The following PLA2G4E variants were observed in gnomAD, a reference collection of about 807,000 sequenced individuals.
The protein encoded by PLA2G4E is cytosolic phospholipase A2 epsilon.
Under a neutral mutation model 109.1 loss-of-function variants are expected in PLA2G4E, and 84 were observed. The ratio of observed to expected loss-of-function variants is 0.77; its 90% CI spans 0.65 to 0.92. The LOEUF (loss-of-function observed/expected upper bound fraction) is 0.92. Among genes scored for constraint, PLA2G4E ranks in the 40% least tolerant of loss-of-function variants. PLA2G4E has a pLI of 0.00. For synonymous variants in PLA2G4E, 469 were observed against 436.1 expected, an observed-to-expected ratio of 1.08 and a Z score of -0.94; for missense variants, 1,057 against 1,076.6, an observed-to-expected ratio of 0.98 and a Z score of 0.25.
chr15:41,990,334 T>G, intron 13 of PLA2G4E, 99 bp from the exon 14 acceptor site: 1 of 1,079,294 alleles, frequency 9.3e-7, no homozygotes, highest in Non-Finnish European at 1.4e-6. Flanking sequence ...AGCCACTTCC[T>G]GGCTCCTGAG....
At chr15:42,002,438 G>A (rs1234828215) in intron 6 of PLA2G4E, among the ~76,000 whole-genome samples, 1 of 152,060 alleles carries the variant, frequency 6.6e-6, no homozygotes, top group African/African-American at 2.4e-5. Flanking sequence ...CCAGGGTGAT[G>A]TCCCAGCTAC....
chr15:42,044,342 T>G (rs1889374025), intron 1 of PLA2G4E, among the ~76,000 whole-genome samples: 2 of 150,502 alleles, frequency 1.3e-5, no homozygotes, highest in Non-Finnish European at 3.0e-5. Context: ...GTGGGGAGAG[T>G]CCCCCAGGCT....
exon 10 of PLA2G4E, chr15:41,999,541 G>A (rs1261065081): frequency 6.2e-7 from 1 of 1,610,770 alleles, no homozygotes; most frequent in Admixed American, 1.7e-5. Context: ...TAGACTTCAT[G>A]TGTAATTCAT....
intron 1 of PLA2G4E, among the ~76,000 whole-genome samples, chr15:42,033,389 G>A (rs1193831301): frequency 6.6e-6 from 1 of 152,178 alleles, no homozygotes; most frequent in Non-Finnish European, 1.5e-5. Context: ...TTGGTTTTAA[G>A]GTTTGAGTTA....
At chr15:42,004,350 G>A (rs1022769140) in intron 5 of PLA2G4E, among the ~76,000 whole-genome samples, 2 of 150,234 alleles carry the variant, frequency 1.3e-5, no homozygotes, top group African/African-American at 4.9e-5. Context: ...GAAAGAAAGA[G>A]AGAGGGAGAG....
At chr15:42,011,261 C>G (rs2068532850) in intron 2 of PLA2G4E, among the ~76,000 whole-genome samples, 1 of 152,276 alleles carries the variant, frequency 6.6e-6, no homozygotes. Context: ...GCCTGTTTCT[C>G]TAGCTGCCTG....
At chr15:42,020,295 T>C (rs1341311755) in intron 1 of PLA2G4E, among the ~76,000 whole-genome samples, 1 of 152,228 alleles carries the variant, frequency 6.6e-6, no homozygotes, top group Non-Finnish European at 1.5e-5. Flanking sequence ...CTAATGATTC[T>C]TCCCAAGGTG....
At chr15:41,987,473 G>A (rs2068161906) in intron 16 of PLA2G4E, 98 bp from the exon 17 acceptor site, 4 of 1,174,432 alleles carry the variant, frequency 3.4e-6, no homozygotes, top group Non-Finnish European at 4.9e-6. Context: ...CCAGGGGTGA[G>A]CACTGTAAAA....
Sources: allele counts gnomAD v4.1 joint callset (sites outside exome capture counted in the v4.1 genomes callset), GRCh38; gene constraint gnomAD v4.1.1; transcripts MANE v1.5; gene names NCBI Gene and HGNC (gene_info 2026-07-23, HGNC 2026-07-21).